THSD4: variants seen among roughly 807,000 people sequenced by gnomAD.
THSD4 encodes thrombospondin type-1 domain-containing protein 4.
Under a neutral mutation model 119.0 loss-of-function variants are expected in THSD4, and 69 were observed. That is an observed-to-expected ratio of 0.58 (90% CI 0.48 to 0.71). THSD4 has a LOEUF of 0.71. Among genes scored for constraint, THSD4 ranks in the 30% least tolerant of loss-of-function variants. The probability of loss-of-function intolerance (pLI) is 0.00; values close to 1 mark genes in which losing one functional copy is unlikely to be tolerated. For synonymous variants in THSD4, 524 were observed against 540.4 expected, an observed-to-expected ratio of 0.97 and a Z score of 0.42; for missense variants, 1,393 against 1,391.1, an observed-to-expected ratio of 1.00 and a Z score of -0.02.
At chr15:71,593,664 G>C (rs965271790) in intron 7 of THSD4, among the ~76,000 whole-genome samples, 2 of 152,120 alleles carry the variant, frequency 1.3e-5, no homozygotes, top group African/African-American at 4.8e-5. Flanking sequence ...GGGAGGCCGA[G>C]GTGGGTGGAT....
chr15:71,400,312 A>T (rs1190057616), intron 6 of THSD4, among the ~76,000 whole-genome samples: 1 of 152,236 alleles, frequency 6.6e-6, no homozygotes, highest in Non-Finnish European at 1.5e-5. Flanking sequence ...GAACAGGAAA[A>T]GCTAAGACTT....
At chr15:71,618,643 G>A (rs760487664) in intron 7 of THSD4, among the ~76,000 whole-genome samples, 71 of 152,028 alleles carry the variant, frequency 4.7e-4, no homozygotes, top group Non-Finnish European at 8.2e-4. Flanking sequence ...GCACAATCAC[G>A]GCTTATTGCA....
At chr15:71,559,021 T>G (rs2049068998) in intron 7 of THSD4, among the ~76,000 whole-genome samples, 1 of 152,186 alleles carries the variant, frequency 6.6e-6, no homozygotes, top group Non-Finnish European at 1.5e-5. Flanking sequence ...GAGAAAAATG[T>G]TGGTTTTGAT....
intron 7 of THSD4, among the ~76,000 whole-genome samples, chr15:71,569,385 GTTTC>G (rs1400151129): frequency 1.3e-5 from 2 of 152,148 alleles, no homozygotes; most frequent in South Asian, 2.1e-4. Context: ...AGTCTTGTTT[GTTTC>G]TTTATTTGGC....
chr15:71,488,385 G>A (rs917122203), intron 7 of THSD4, among the ~76,000 whole-genome samples: 2 of 152,030 alleles, frequency 1.3e-5, no homozygotes, highest in South Asian at 2.1e-4. Flanking sequence ...TTCATAAGAC[G>A]GTTTCATTTT....
At chr15:71,757,860 G>T in intron 14 of THSD4, 42 bp from the exon 15 acceptor site, 2 of 1,607,496 alleles carry the variant, frequency 1.2e-6, no homozygotes, top group East Asian at 2.2e-5. Context: ...TTCAGCAGCT[G>T]CCAGGGCCTC....
chr15:71,253,419 T>C (rs559219283), intron 5 of THSD4, among the ~76,000 whole-genome samples: 2 of 152,278 alleles, frequency 1.3e-5, no homozygotes, highest in East Asian at 3.9e-4. Context: ...TCACTTTTTT[T>C]TTTTTGGAGA....
chr15:71,772,688 A>G (rs767356152), intron 17 of THSD4, among the ~76,000 whole-genome samples: 2 of 152,202 alleles, frequency 1.3e-5, no homozygotes, highest in Non-Finnish European at 2.9e-5. Flanking sequence ...AACCTGATAT[A>G]TGATATAGGC....
At chr15:71,215,432 G>A in intron 4 of THSD4, 33 bp downstream of exon 4, 7 of 1,482,828 alleles carry the variant, frequency 4.7e-6, no homozygotes, top group Non-Finnish European at 4.5e-6. Context: ...GCCGCTCCCC[G>A]TCCCTGTCCC....
intron 7 of THSD4, among the ~76,000 whole-genome samples, chr15:71,525,810 G>A (rs919169178): frequency 1.3e-5 from 2 of 152,130 alleles, no homozygotes; most frequent in South Asian, 4.1e-4. Flanking sequence ...AGAAAATCAT[G>A]GTCCTTGGTG....
At chr15:71,099,737 G>A (rs934413964) in intron 1 of THSD4, among the ~76,000 whole-genome samples, 2 of 152,046 alleles carry the variant, frequency 1.3e-5, no homozygotes, top group Non-Finnish European at 2.9e-5. Flanking sequence ...GGCCAAGGGG[G>A]GCAGATCGCT....
intron 7 of THSD4, among the ~76,000 whole-genome samples, chr15:71,497,223 A>G (rs1463288709): frequency 2.6e-5 from 4 of 152,188 alleles, no homozygotes; most frequent in Non-Finnish European, 2.9e-5. Flanking sequence ...TCTGAAAGGT[A>G]TATATGTGGC....
At chr15:71,333,292 C>G (rs1255269810) in intron 6 of THSD4, among the ~76,000 whole-genome samples, 1 of 152,004 alleles carries the variant, frequency 6.6e-6, no homozygotes, top group African/African-American at 2.4e-5. Context: ...GCTTTCAGAG[C>G]AGGCATTTAT....
intron 7 of THSD4, among the ~76,000 whole-genome samples, chr15:71,519,454 C>T (rs531155412): frequency 1.5e-4 from 22 of 151,586 alleles, no homozygotes; most frequent in Non-Finnish European, 2.4e-4. Flanking sequence ...CTCTGCCTCC[C>T]GAGTTCAAGC....
chr15:71,567,772 AGAGAGT>A (rs1184293786), intron 7 of THSD4, among the ~76,000 whole-genome samples: 7 of 133,630 alleles, frequency 5.2e-5, no homozygotes, highest in South Asian at 2.6e-4. Flanking sequence ...AGAAAGAGAG[AGAGAGT>A]GTGTGTGTGT....
At position 71,579,474 on chromosome 15, in the gene THSD4, G is replaced by A. The variant is rs193035418; in HGVS notation, c.1153-81056G>A. 9.5e-4 allele frequency among the ~76,000 whole-genome samples: 145 copies of A among 152,306 alleles called. 1 individual carries two copies. The highest frequency in any genetic ancestry group is 9.5e-3 in the Admixed American group (145 of 15,302). On this transcript the variant is annotated intron_variant, in intron 7 of 17. Coordinates refer to ENST00000261862, the MANE Select transcript of THSD4 (RefSeq NM_024817.3). ...AAGTCCCCAGAAGAGGGAGAGCATA[G>A]GTGTGAAAAATAATAATTCTACCAT...
intron 7 of THSD4, among the ~76,000 whole-genome samples, chr15:71,531,613 A>T (rs1248447407): frequency 6.6e-6 from 1 of 152,222 alleles, no homozygotes; most frequent in Non-Finnish European, 1.5e-5. Flanking sequence ...AACTTTTCCA[A>T]GCCTTGACCT....
At chr15:71,240,154 G>A (rs568295559) in intron 4 of THSD4, among the ~76,000 whole-genome samples, 2 of 152,088 alleles carry the variant, frequency 1.3e-5, no homozygotes, top group Non-Finnish European at 2.9e-5. Context: ...ACCCCCTCAG[G>A]CCTTTGGGAA....
Position 71,299,960 on chromosome 15 carries a change from C to CAAAAAAA in THSD4, c.1015+43256_1015+43262dup, listed in dbSNP as rs141320911. Among the ~76,000 whole-genome samples the CAAAAAAA allele has an allele frequency of 1.0e-4, 11 of 109,030 alleles. 1 individual carries two copies. Among genetic ancestry groups the CAAAAAAA allele is most frequent in the African/African-American group, 4.0e-4 (10 of 25,290 alleles). The allele number at this position is 109,030 out of a possible 152,430, so 71.5% of individuals were successfully genotyped here. A position where few individuals can be genotyped will look rare whatever the true frequency, so the allele number is the denominator to read the frequency against. On this transcript the variant is annotated intron_variant, in intron 6 of 17. Coordinates refer to ENST00000261862, the MANE Select transcript of THSD4 (RefSeq NM_024817.3). Reference sequence around the variant, plus strand: ...CATCATAATGAGACCCTGTCTCTACCAAAAAAAAAAAAAAAAATATATATA... The same window carrying CAAAAAAA: ...CATCATAATGAGACCCTGTCTCTACCAAAAAAAAAAAAAAAAAAAAAAAATATATATA...
Sources: gnomAD v4.1 joint callset for allele counts (sites outside exome capture counted in the v4.1 genomes callset) on GRCh38, gnomAD v4.1.1 for gene constraint, MANE v1.5 for transcripts, NCBI Gene and HGNC (gene_info 2026-07-23, HGNC 2026-07-21) for gene names.